Variants in LAMA3 observed in about 807,000 individuals in gnomAD.
LAMA3 encodes the protein laminin subunit alpha-3.
LAMA3 carries 281 observed loss-of-function variants against 402.0 expected under a neutral mutation model. The observed-to-expected ratio is 0.70, with a 90% confidence interval of 0.63 to 0.77. The LOEUF (loss-of-function observed/expected upper bound fraction) is 0.77. Ranked by LOEUF, LAMA3 falls within the 30% of genes least tolerant of loss-of-function variation. The pLI is 0.00. For synonymous variants in LAMA3, 1,431 were observed against 1,558.4 expected (o/e 0.92, Z 1.93); for missense variants, 3,840 against 4,215.5 (o/e 0.91, Z 2.47).
chr18:23,903,798 T>A, intron 49 of LAMA3, 135 bp from the exon 50 acceptor site: 1 of 742,532 alleles, frequency 1.3e-6, no homozygotes, highest in South Asian at 1.6e-5. Flanking sequence ...GATTAACTGG[T>A]ATGGTAAATA....
intron 2 of LAMA3, among the ~76,000 whole-genome samples, chr18:23,736,748 T>C (rs2061481651): frequency 6.6e-6 from 1 of 152,004 alleles, no homozygotes. Context: ...GCTCCCAGGA[T>C]TGGGAAAAGC....
chr18:23,762,005 C>T (rs566919423), intron 7 of LAMA3, among the ~76,000 whole-genome samples: 12 of 151,940 alleles, frequency 7.9e-5, no homozygotes, highest in Non-Finnish European at 1.8e-4. Flanking sequence ...TCGCTTGAGC[C>T]CAGTAGTTGG....
At chr18:23,791,735 A>T (rs757591055) in intron 12 of LAMA3, among the ~76,000 whole-genome samples, 146 of 26,798 alleles carry the variant, frequency 5.4e-3, no homozygotes, top group Non-Finnish European at 0.011. Flanking sequence ...GAATTTGTCT[A>T]AAAAAAAAAA....
chr18:23,728,396 T>G (rs2061334711), intron 2 of LAMA3, among the ~76,000 whole-genome samples: 1 of 152,144 alleles, frequency 6.6e-6, no homozygotes, highest in African/African-American at 2.4e-5. Context: ...CCCAGCTGTT[T>G]CATCCTAAGG....
chr18:23,766,454 A>G (rs2062076481), intron 8 of LAMA3, among the ~76,000 whole-genome samples: 1 of 152,252 alleles, frequency 6.6e-6, no homozygotes, highest in African/African-American at 2.4e-5. Context: ...TCTTTAGGTT[A>G]AAGAGAGGTA....
intron 2 of LAMA3, among the ~76,000 whole-genome samples, chr18:23,716,191 T>G (rs1409143540): frequency 2.0e-5 from 3 of 151,986 alleles, no homozygotes; most frequent in African/African-American, 7.3e-5. Flanking sequence ...AGGGTCTCAC[T>G]CTATTGCTCA....
intron 14 of LAMA3, among the ~76,000 whole-genome samples, chr18:23,814,094 T>G (rs2063130403): frequency 6.6e-6 from 1 of 152,258 alleles, no homozygotes; most frequent in African/African-American, 2.4e-5. Context: ...TGGTAGTCTA[T>G]GCTGTAACAG....
Position 23,896,470 on chromosome 18 carries a change from T to A in LAMA3, c.5613+1412T>A, listed in dbSNP as rs118029028. 8.5e-3 allele frequency among the ~76,000 whole-genome samples: 1,290 copies of A among 152,384 alleles called. 11 individuals are homozygous for A. The highest frequency in any genetic ancestry group is 0.012 in the Non-Finnish European group (839 of 68,038). On this transcript the variant is annotated intron_variant, in intron 44 of 74. Coordinates refer to ENST00000313654, the MANE Select transcript of LAMA3 (RefSeq NM_198129.4). ...TCTTTCATGGTCAGAGAACACGCTT[T>A]CCATGATTTCAGTCCTTTTAAATGT...
intron 30 of LAMA3, among the ~76,000 whole-genome samples, 176 bp downstream of exon 30, chr18:23,845,300 C>A (rs574283916): frequency 1.3e-5 from 2 of 152,332 alleles, no homozygotes; most frequent in East Asian, 3.9e-4. Flanking sequence ...CCTCGCATGA[C>A]AGACTTTGCC....
At chr18:23,699,161 G>A (rs1012638237) in intron 1 of LAMA3, among the ~76,000 whole-genome samples, 5 of 152,240 alleles carry the variant, frequency 3.3e-5, no homozygotes, top group African/African-American at 1.2e-4. Context: ...GGGCGACCCT[G>A]GAGGCCTGAG....
At position 23,898,865 on chromosome 18, in the gene LAMA3, A is replaced by G. The variant is rs767770320; in HGVS notation, c.5724+17A>G. 1 of 1,573,126 alleles carries G rather than the reference A, an allele frequency of 6.4e-7. No homozygotes were observed. The highest frequency in any genetic ancestry group is 1.1e-5 in the South Asian group (1 of 90,246). The stretch of plus-strand genomic sequence containing the variant: ...CAAGAAAAGGTAATGTGTTAGGTCC[A>G]TTTAACTTTGGGGTTTTTTTGCTTT... On this transcript the variant is annotated intron_variant, in intron 45 of 74. Transcript: ENST00000313654.
intron 37 of LAMA3, 104 bp from the exon 38 acceptor site, chr18:23,871,327 T>C (rs546622964): frequency 2.3e-6 from 2 of 876,404 alleles, no homozygotes; most frequent in East Asian, 4.9e-5. Context: ...TCCCTATGCA[T>C]TTTAAGTGTC....
chr18:23,954,266 G>A (rs1030067546), intron 74 of LAMA3, among the ~76,000 whole-genome samples: 1 of 151,896 alleles, frequency 6.6e-6, no homozygotes, highest in Non-Finnish European at 1.5e-5. Flanking sequence ...GCCCAGGGTG[G>A]TGGCCCACAC....
intron 2 of LAMA3, among the ~76,000 whole-genome samples, chr18:23,730,105 G>A (rs918355411): frequency 6.6e-6 from 1 of 152,136 alleles, no homozygotes; most frequent in African/African-American, 2.4e-5. Context: ...TATGGACCCT[G>A]GGATTAAGTT....
At chr18:23,859,313 T>A (rs1480695708) in intron 34 of LAMA3, among the ~76,000 whole-genome samples, 1 of 152,198 alleles carries the variant, frequency 6.6e-6, no homozygotes, top group East Asian at 1.9e-4. Context: ...TCTCTGATTC[T>A]CCCAGACACT....
At chr18:23,904,497 G>A in intron 50 of LAMA3, 56 bp from the exon 51 acceptor site, 5 of 1,537,036 alleles carry the variant, frequency 3.3e-6, no homozygotes, top group Non-Finnish European at 4.4e-6. Flanking sequence ...TTGGGGGGAT[G>A]TCAGCTGCTG....
chr18:23,708,563 T>C (rs1397791976), intron 1 of LAMA3, among the ~76,000 whole-genome samples: 1 of 152,162 alleles, frequency 6.6e-6, no homozygotes, highest in African/African-American at 2.4e-5. Flanking sequence ...TTGAGATACT[T>C]GATGTTCTCT....
At position 23,889,129 on chromosome 18, in the gene LAMA3, AGACTTG is replaced by A. The variant is rs765008421; in HGVS notation, c.5304-881_5304-876del. On this transcript the variant is annotated intron_variant, in intron 41 of 74. Coordinates refer to ENST00000313654, the MANE Select transcript of LAMA3 (RefSeq NM_198129.4). ...CAATTAGTGCAAATATGAATTATGC[AGACTTG>A]ACATAGTGCAGGCCAGGTGCAGTGG... is the stretch of plus-strand genomic sequence containing the variant. 4.7e-3 allele frequency among the ~76,000 whole-genome samples: 722 copies of A among 152,314 alleles called. 4 individuals carry two copies. Among genetic ancestry groups the A allele is most frequent in the Non-Finnish European group, 6.5e-3 (440 of 68,036 alleles).
chr18:23,833,271 A>G (rs2063519733), intron 23 of LAMA3, among the ~76,000 whole-genome samples: 1 of 152,212 alleles, frequency 6.6e-6, no homozygotes, highest in Non-Finnish European at 1.5e-5. Context: ...GTGTGTGCAT[A>G]TTTGGGCATA....
Sources: gnomAD v4.1 joint callset for allele counts (sites outside exome capture counted in the v4.1 genomes callset) on GRCh38, gnomAD v4.1.1 for gene constraint, MANE v1.5 for transcripts, NCBI Gene and HGNC (gene_info 2026-07-23, HGNC 2026-07-21) for gene names.